OR56B1: variants seen among roughly 807,000 people sequenced by gnomAD.
OR56B1 encodes olfactory receptor 56B1.
OR56B1 carries 13 observed loss-of-function variants against 11.4 expected under a neutral mutation model. The ratio of observed to expected loss-of-function variants is 1.14; its 90% CI spans 0.74 to 1.81. The LOEUF (loss-of-function observed/expected upper bound fraction) is 1.81, where lower values mean the gene tolerates loss of function less well. OR56B1 is among the 40% of genes most tolerant of loss of function. The probability of loss-of-function intolerance (pLI) is 0.00; values close to 1 mark genes in which losing one functional copy is unlikely to be tolerated. For missense variants in OR56B1, 434 were observed against 379.3 expected (o/e 1.14, Z -1.20); for synonymous variants, 158 against 143.6 (o/e 1.10, Z -0.72).
At position 5,736,721 on chromosome 11, in the gene OR56B1, T is replaced by C. The variant is rs1853917387; in HGVS notation, c.205T>C (p.Tyr69His). The change falls in exon 1 of 1, where the codon TAT (tyrosine) becomes CAT (histidine). Residue 69 changes from tyrosine (Y) to histidine (H), a missense_variant. Physicochemically the swap from Tyr to His is moderately conservative, Grantham distance 83. Transcript: ENST00000317121. ...GAACCCTTCTTTACAGCAGCCCATG[T>C]ATATTTTCCTTGGCATCCTCTGTAT... ...WQNPSLQQPMYIFLGILCMVD... is the reference protein window; with the variant it reads ...WQNPSLQQPMHIFLGILCMVD... The C allele has an allele frequency of 1.2e-6, 2 of 1,614,008 alleles. No homozygotes were observed. The highest frequency in any genetic ancestry group is 1.7e-6 in the Non-Finnish European group (2 of 1,179,966).
chr11:5,736,521 A>ATT lies in OR56B1; in HGVS notation c.6_7insTT (p.His3PhefsTer77). 6.2e-7 allele frequency: 1 copy of ATT among 1,613,448 alleles called. No individual in the cohort carries two copies. On this transcript the variant is annotated frameshift_variant, in exon 1 of 1. Coordinates refer to ENST00000317121, the MANE Select transcript of OR56B1 (RefSeq NM_001005180.3). LOFTEE classifies it low-confidence loss of function (END_TRUNC). ...ATTTGAAATTCATGTTGAATCATGA[A>ATT]TCATATGTCTGCATCTCTCAAAATC...
Position 5,737,223 on chromosome 11 carries a change from G to C in OR56B1, c.707G>C (p.Arg236Thr). The change falls in exon 1 of 1, where the codon AGA becomes ACA. Residue 236 changes from arginine to threonine, a missense_variant. Physicochemically the swap from Arg to Thr is moderately conservative, Grantham distance 71. Transcript: ENST00000317121. ...SYILILYSVLRLNSAEAAAKA... is the reference protein window; with the variant it reads ...SYILILYSVLTLNSAEAAAKA... ...ATTTTGATTCTGTACTCTGTACTTA[G>C]ACTGAACTCAGCTGAAGCTGCAGCC... The C allele has an allele frequency of 6.2e-7, 1 of 1,614,110 alleles. No individual in the cohort carries two copies. Among genetic ancestry groups the C allele is most frequent in the South Asian group, 1.1e-5 (1 of 91,088 alleles).
Position 5,737,520 on chromosome 11 carries a change from C to G in OR56B1, c.*29C>G. The G allele has an allele frequency of 6.4e-7, 1 of 1,574,622 alleles. No individual in the cohort carries two copies. Among genetic ancestry groups the G allele is most frequent in the African/African-American group, 1.4e-5 (1 of 73,510 alleles). On this transcript the variant is annotated 3_prime_UTR_variant, in exon 1 of 1. Transcript: ENST00000317121. ...CCTTCTCCATGATGTACATGAACCT[C>G]AGCTTCTCCTAAACTGGATAGTAAA...
Position 5,737,421 on chromosome 11 carries a change from T to G in OR56B1, c.905T>G (p.Leu302Arg). ...TCCCTCAACCCTACAGTTTATGCAC[T>G]TCAGACCAAAGAACTTAGGGCAGCC... The part of the protein sequence containing the change: ...PPSLNPTVYA[L>R]QTKELRAAFQ... The change falls in exon 1 of 1, where the codon CTT becomes CGT. Residue 302 changes from leucine (L) to arginine (R), a missense_variant. Physicochemically the swap from Leu to Arg is moderately radical, Grantham distance 102. Transcript: ENST00000317121. 3 of 1,614,066 alleles carry G rather than the reference T, an allele frequency of 1.9e-6. No homozygotes were observed. The highest frequency in any genetic ancestry group is 2.5e-6 in the Non-Finnish European group (3 of 1,179,954).
At position 5,737,317 on chromosome 11, in the gene OR56B1, T is replaced by G. The variant is rs1853938002; in HGVS notation, c.801T>G (p.Ile267Met). The change falls in exon 1 of 1, where the codon ATT becomes ATG. Residue 267 changes from isoleucine to methionine, a missense_variant. Ile to Met is a conservative substitution (Grantham distance 10). Coordinates refer to ENST00000317121, the MANE Select transcript of OR56B1 (RefSeq NM_001005180.3). ...TCTTTTACACTATTGTTGTAGTGAT[T>G]TCAGTGACTCATCTGACAGAGATGA... ...ILFFYTIVVV[I>M]SVTHLTEMKA... The G allele has an allele frequency of 1.2e-6, 2 of 1,614,170 alleles. No individual in the cohort carries two copies. Among genetic ancestry groups the G allele is most frequent in the Non-Finnish European group, 1.7e-6 (2 of 1,179,996 alleles).
In OR56B1 at chr11:5,738,202, T is replaced by C. The variant is rs1853957354; in HGVS notation, c.*711T>C. 1.3e-5 allele frequency: 2 copies of C among 152,284 alleles called. No homozygotes were observed. The highest frequency in any genetic ancestry group is 4.1e-4 in the South Asian group (2 of 4,836). 9.4% of individuals were successfully genotyped at this position (152,284 alleles called of 1,614,324 possible). On this transcript the variant is annotated 3_prime_UTR_variant, in exon 1 of 1. Transcript: ENST00000317121. ...CTTTGTCTTTCGGTGTTCAGTTGAA[T>C]TGAGCCAATGTGATGCGTGACAGAT...
rs950561456 is a variant in OR56B1 at position 5,737,186 on chromosome 11, A to T, written c.670A>T (p.Ile224Leu). The T allele has an allele frequency of 1.1e-5, 18 of 1,613,894 alleles. No individual in the cohort carries two copies. Among genetic ancestry groups the T allele is most frequent in the Non-Finnish European group, 1.4e-5 (17 of 1,179,996 alleles). Residue 224 changes from isoleucine to leucine, a missense_variant, in exon 1 of 1, where the codon ATA becomes TTA. Coordinates refer to ENST00000317121, the MANE Select transcript of OR56B1 (RefSeq NM_001005180.3). ...AATGGGGAGTGATCTAAGTCTTATT[A>T]TACTGTCATATATTTTGATTCTGTA... ...LGMGSDLSLI[I>L]LSYILILYSV...
chr11:5,737,039 C>A lies in OR56B1; in HGVS notation c.523C>A (p.Arg175Ser), dbSNP rs746653476. The A allele has an allele frequency of 1.2e-5, 19 of 1,613,978 alleles. No homozygotes were observed. Among genetic ancestry groups the A allele is most frequent in the Middle Eastern group, 3.3e-4 (2 of 6,062 alleles). The change falls in exon 1 of 1, where the codon CGT (arginine) becomes AGT (serine). Residue 175 changes from arginine (R) to serine (S), a missense_variant. By Grantham distance (110) the Arg-to-Ser change is moderately radical. Coordinates refer to ENST00000317121, the MANE Select transcript of OR56B1 (RefSeq NM_001005180.3). The part of the protein sequence containing the change: ...VTPVPVLAAQ[R>S]DYCSKNEIEH... ...TCCAGTGCCTGTGCTTGCAGCACAGCGTGATTATTGCTCCAAGAATGAAAT... is the reference window on the plus strand; with the variant it reads ...TCCAGTGCCTGTGCTTGCAGCACAGAGTGATTATTGCTCCAAGAATGAAAT...
Position 5,736,698 on chromosome 11 carries a change from A to T in OR56B1, c.182A>T (p.Asn61Ile). ...CTCATCCTCATCATCATCTGGCAGA[A>T]CCCTTCTTTACAGCAGCCCATGTAT... ...NTLILIIIWQNPSLQQPMYIF... is the reference protein window; with the variant it reads ...NTLILIIIWQIPSLQQPMYIF... Residue 61 changes from asparagine (N) to isoleucine (I), a missense_variant, in exon 1 of 1, where the codon AAC (asparagine) becomes ATC (isoleucine). By Grantham distance (149) the Asn-to-Ile change is moderately radical. Coordinates refer to ENST00000317121, the MANE Select transcript of OR56B1 (RefSeq NM_001005180.3). 1 of 1,613,800 alleles carries T rather than the reference A, an allele frequency of 6.2e-7. No homozygotes were observed. Among genetic ancestry groups the T allele is most frequent in the Middle Eastern group, 1.6e-4 (1 of 6,062 alleles).
Position 5,737,102 on chromosome 11 carries a change from C to A in OR56B1, c.586C>A (p.Leu196Met), listed in dbSNP as rs1395840699. 6.2e-7 allele frequency: 1 copy of A among 1,614,004 alleles called. No homozygotes were observed. ...GTGCTCTAACCTTGGGGTCACAAGCCTGGCTTGTGATGACAGGAGGCCAAA... is the reference window on the plus strand; with the variant it reads ...GTGCTCTAACCTTGGGGTCACAAGCATGGCTTGTGATGACAGGAGGCCAAA... Reference protein sequence around the residue: ...CLCSNLGVTSLACDDRRPNSI... With the variant: ...CLCSNLGVTSMACDDRRPNSI... Residue 196 changes from leucine (L) to methionine (M), a missense_variant, in exon 1 of 1, where the codon CTG (leucine) becomes ATG (methionine). Physicochemically the swap from Leu to Met is conservative, Grantham distance 15 (BLOSUM62 2). Transcript: ENST00000317121.
chr11:5,737,264 TG>T lies in OR56B1; in HGVS notation c.749del (p.Cys250LeufsTer16), dbSNP rs778123277. The T allele has an allele frequency of 6.2e-7, 1 of 1,614,158 alleles. No individual in the cohort carries two copies. The highest frequency in any genetic ancestry group is 8.5e-7 in the Non-Finnish European group (1 of 1,179,990). On this transcript the variant is annotated frameshift_variant, in exon 1 of 1. Transcript: ENST00000317121. LOFTEE classifies it high-confidence loss of function. ...AEAAAKALST[C>X]SSHLTLILFF... ...AGCTGCAGCCAAGGCCCTGAGCACTTGTAGTTCACATCTCACCCTCATCCTT... is the reference window on the plus strand; with the variant it reads ...AGCTGCAGCCAAGGCCCTGAGCACTTTAGTTCACATCTCACCCTCATCCTT...
chr11:5,736,523 C>A lies in OR56B1; in HGVS notation c.7C>A (p.His3Asn), dbSNP rs1240962234. 4.3e-6 allele frequency: 7 copies of A among 1,613,126 alleles called. No individual in the cohort carries two copies. The highest frequency in any genetic ancestry group is 5.9e-6 in the Non-Finnish European group (7 of 1,179,200). MN[H>N]MSASLKISNS... ...TTGAAATTCATGTTGAATCATGAAT[C>A]ATATGTCTGCATCTCTCAAAATCTC... The change falls in exon 1 of 1, where the codon CAT (histidine) becomes AAT (asparagine). Residue 3 changes from histidine (H) to asparagine (N), a missense_variant. Coordinates refer to ENST00000317121, the MANE Select transcript of OR56B1 (RefSeq NM_001005180.3).
rs775870365 is a variant in OR56B1, at chr11:5,736,746, T to C, written c.230T>C (p.Met77Thr). Residue 77 changes from methionine (M) to threonine (T), a missense_variant, in exon 1 of 1, where the codon ATG (methionine) becomes ACG (threonine). By Grantham distance (81) the Met-to-Thr change is moderately conservative. Transcript: ENST00000317121. Reference sequence around the variant, plus strand: ...TATATTTTCCTTGGCATCCTCTGTATGGTAGACATGGGTCTGGCCACTACT... The same window carrying C: ...TATATTTTCCTTGGCATCCTCTGTACGGTAGACATGGGTCTGGCCACTACT... ...PMYIFLGILC[M>T]VDMGLATTII... 6.2e-7 allele frequency: 1 copy of C among 1,614,056 alleles called. No individual in the cohort carries two copies. Among genetic ancestry groups the C allele is most frequent in the Non-Finnish European group, 8.5e-7 (1 of 1,179,986 alleles).
Position 5,737,402 on chromosome 11 carries a change from A to C in OR56B1, c.886A>C (p.Asn296His). 1.2e-6 allele frequency: 2 copies of C among 1,614,026 alleles called. No homozygotes were observed. Among genetic ancestry groups the C allele is most frequent in the Non-Finnish European group, 1.7e-6 (2 of 1,179,938 alleles). Residue 296 changes from asparagine (N) to histidine (H), a missense_variant, in exon 1 of 1, where the codon AAC (asparagine) becomes CAC (histidine). Transcript: ENST00000317121. ...VLHNIIPPSL[N>H]PTVYALQTKE... ...GCACAACATCATCCCCCCTTCCCTC[A>C]ACCCTACAGTTTATGCACTTCAGAC...
Position 5,736,748 on chromosome 11 carries a change from G to A in OR56B1, c.232G>A (p.Val78Ile). 6.2e-7 allele frequency: 1 copy of A among 1,613,978 alleles called. No homozygotes were observed. Among genetic ancestry groups the A allele is most frequent in the Non-Finnish European group, 8.5e-7 (1 of 1,180,000 alleles). The change falls in exon 1 of 1, where the codon GTA becomes ATA. Residue 78 changes from valine to isoleucine, a missense_variant. By Grantham distance (29) the Val-to-Ile change is conservative. Transcript: ENST00000317121. ...MYIFLGILCMVDMGLATTIIP... is the reference protein window; with the variant it reads ...MYIFLGILCMIDMGLATTIIP... ...TATTTTCCTTGGCATCCTCTGTATG[G>A]TAGACATGGGTCTGGCCACTACTAT... is the stretch of plus-strand genomic sequence containing the variant.
In OR56B1 at chr11:5,736,757, G is replaced by C; in HGVS notation, c.241G>C (p.Gly81Arg). 6.2e-7 allele frequency: 1 copy of C among 1,613,978 alleles called. No homozygotes were observed. Among genetic ancestry groups the C allele is most frequent in the South Asian group, 1.1e-5 (1 of 91,074 alleles). ...FLGILCMVDM[G>R]LATTIIPKIL... is the part of the protein sequence containing the mutation. Reference sequence around the variant, plus strand: ...TGGCATCCTCTGTATGGTAGACATGGGTCTGGCCACTACTATCATCCCTAA... The same window carrying C: ...TGGCATCCTCTGTATGGTAGACATGCGTCTGGCCACTACTATCATCCCTAA... The change falls in exon 1 of 1, where the codon GGT (glycine) becomes CGT (arginine). Residue 81 changes from glycine to arginine, a missense_variant. Gly to Arg is a moderately radical substitution (Grantham distance 125). Transcript: ENST00000317121.
rs1317821706 is a variant in OR56B1 at position 5,737,251 on chromosome 11, G to C, written c.735G>C (p.Lys245Asn). The change falls in exon 1 of 1, where the codon AAG becomes AAC. Residue 245 changes from lysine to asparagine, a missense_variant. Physicochemically the swap from Lys to Asn is moderately conservative, Grantham distance 94. Coordinates refer to ENST00000317121, the MANE Select transcript of OR56B1 (RefSeq NM_001005180.3). ...LRLNSAEAAA[K>N]ALSTCSSHLT... The stretch of plus-strand genomic sequence containing the variant: ...TGAACTCAGCTGAAGCTGCAGCCAA[G>C]GCCCTGAGCACTTGTAGTTCACATC... 1 of 1,613,974 alleles carries C rather than the reference G, an allele frequency of 6.2e-7. No homozygotes were observed. The highest frequency in any genetic ancestry group is 8.5e-7 in the Non-Finnish European group (1 of 1,179,996).
chr11:5,737,647 C>T lies in OR56B1; in HGVS notation c.*156C>T, dbSNP rs1442494535. The T allele has an allele frequency of 3.2e-6, 2 of 629,388 alleles. No homozygotes were observed. Among genetic ancestry groups the T allele is most frequent in the Non-Finnish European group, 5.0e-6 (2 of 400,234 alleles). The allele number at this position is 629,388 out of a possible 1,614,324, so 39.0% of individuals were successfully genotyped here. A position where few individuals can be genotyped will look rare whatever the true frequency, so the allele number is the denominator to read the frequency against. On this transcript the variant is annotated 3_prime_UTR_variant, in exon 1 of 1. Coordinates refer to ENST00000317121, the MANE Select transcript of OR56B1 (RefSeq NM_001005180.3). ...GCTTCAGAAAAGATACAAAAAATCA[C>T]AGTAGCCTAAAATATTGACAAAAGC...
Position 5,736,816 on chromosome 11 carries a change from T to G in OR56B1, c.300T>G (p.Val100=), listed in dbSNP as rs1444412343. 4.3e-6 allele frequency: 7 copies of G among 1,614,010 alleles called. No homozygotes were observed. The East Asian group carries it at 1.3e-4, about 31-fold the overall frequency. The change falls in exon 1 of 1, where the codon GTT becomes GTG. Residue 100 remains valine, a synonymous_variant. Coordinates refer to ENST00000317121, the MANE Select transcript of OR56B1 (RefSeq NM_001005180.3). ...CCATCTTCTGGTTTGATGCCAAGGT[T>G]ATTAGCCTCCCTGAGTGCTTTGCTC... ...ILAIFWFDAK[V]ISLPECFAQI...
Sources: gnomAD v4.1 joint callset for allele counts on GRCh38, gnomAD v4.1.1 for gene constraint, MANE v1.5 for transcripts, NCBI Gene and HGNC (gene_info 2026-07-23, HGNC 2026-07-21) for gene names.